The following SV2C variants were observed in gnomAD, a reference collection of about 807,000 sequenced individuals.
SV2C encodes solute carrier family 22 member B3.
A neutral mutation model predicts 79.7 loss-of-function variants in SV2C; 49 were observed. That is an observed-to-expected ratio of 0.61 (90% CI 0.49 to 0.78). The LOEUF (loss-of-function observed/expected upper bound fraction) is 0.78. Ranked by LOEUF, SV2C falls within the 30% of genes least tolerant of loss-of-function variation. The probability of loss-of-function intolerance (pLI) is 0.00; values close to 1 mark genes in which losing one functional copy is unlikely to be tolerated. For missense variants in SV2C, 833 were observed against 912.9 expected, an observed-to-expected ratio of 0.91 and a Z score of 1.13; for synonymous variants, 334 against 333.2, an observed-to-expected ratio of 1.00 and a Z score of -0.03.
chr5:75,926,858 C>G, the SV2C span, among the ~76,000 whole-genome samples: 1 of 152,160 alleles, frequency 6.6e-6, no homozygotes, highest in African/African-American at 2.4e-5. Context: ...CTCTTGTATA[C>G]TCTCACCATT....
intron 2 of SV2C, chr5:76,174,113 A>T: frequency 1.3e-6 from 2 of 1,599,770 alleles, no homozygotes; most frequent in Non-Finnish European, 1.7e-6. Context: ...AATTCCTTGA[A>T]CAAATTGTAC....
At chr5:76,048,311 G>C in the SV2C span, among the ~76,000 whole-genome samples, 3 of 152,196 alleles carry the variant, frequency 2.0e-5, no homozygotes, top group Non-Finnish European at 4.4e-5. Flanking sequence ...CCGAGGGCAA[G>C]AGAAGATGGA....
the SV2C span, among the ~76,000 whole-genome samples, chr5:75,897,009 T>G: frequency 8.9e-5 from 13 of 145,442 alleles, no homozygotes; most frequent in East Asian, 5.8e-4. Context: ...TTTCTCCCAT[T>G]TTGTAGGTTG....
chr5:76,344,092 C>G (rs538785878), intron 12 of SV2C, among the ~76,000 whole-genome samples: 1 of 152,180 alleles, frequency 6.6e-6, no homozygotes, highest in African/African-American at 2.4e-5. Flanking sequence ...CCAACCTCTG[C>G]CCCCTGCCCA....
the SV2C span, among the ~76,000 whole-genome samples, chr5:75,976,069 C>T: frequency 6.6e-6 from 1 of 152,042 alleles, no homozygotes; most frequent in East Asian, 1.9e-4. Context: ...CTTTGAATGG[C>T]CGGTATAGTT....
intron 4 of SV2C, among the ~76,000 whole-genome samples, chr5:76,248,622 G>C (rs2112434537): frequency 7.4e-6 from 1 of 135,438 alleles, no homozygotes; most frequent in Middle Eastern, 3.9e-3. Flanking sequence ...GGTGCTCAGT[G>C]ATTTTTTTTT....
intron 2 of SV2C, among the ~76,000 whole-genome samples, chr5:76,151,446 G>A (rs1749601952): frequency 6.6e-6 from 1 of 152,160 alleles, no homozygotes; most frequent in Non-Finnish European, 1.5e-5. Context: ...GGAGACTGCT[G>A]TGTGTGGAAT....
At chr5:75,884,707 C>G in the SV2C span, among the ~76,000 whole-genome samples, 4 of 151,962 alleles carry the variant, frequency 2.6e-5, no homozygotes, top group Non-Finnish European at 4.4e-5. Flanking sequence ...ATTATAATTA[C>G]CCTGATTTGA....
Position 76,229,385 on chromosome 5 carries a change from T to C in SV2C, c.913+19498T>C, listed in dbSNP as rs116569855. Among the ~76,000 whole-genome samples the C allele has an allele frequency of 3.6e-3, 551 of 152,254 alleles. 4 individuals carry two copies. Among genetic ancestry groups the C allele is most frequent in the African/African-American group, 0.012 (514 of 41,544 alleles). On this transcript the variant is annotated intron_variant, in intron 4 of 12. Coordinates refer to ENST00000502798, the MANE Select transcript of SV2C (RefSeq NM_014979.4). The stretch of plus-strand genomic sequence containing the variant: ...GGACAATTAGAAATGGGTAGGAGGG[T>C]AGTAAAATGGATGCGATGAACTATT...
the SV2C span, among the ~76,000 whole-genome samples, chr5:75,973,158 A>G: frequency 3.8e-4 from 57 of 151,214 alleles, no homozygotes; most frequent in Admixed American, 2.0e-3. Context: ...GGGGAACATC[A>G]CACACCGGGG....
the SV2C span, among the ~76,000 whole-genome samples, chr5:75,969,155 TA>T: frequency 6.6e-6 from 1 of 152,138 alleles, no homozygotes; most frequent in East Asian, 1.9e-4. Context: ...AGGCCTGCCC[TA>T]AAAAAGCTCC....
chr5:75,967,343 G>A, the SV2C span, among the ~76,000 whole-genome samples: 4 of 152,144 alleles, frequency 2.6e-5, no homozygotes, highest in South Asian at 2.1e-4. Context: ...TGAGTGCAGT[G>A]CACTGTGCAT....
At chr5:75,903,222 A>G in the SV2C span, among the ~76,000 whole-genome samples, 2 of 152,170 alleles carry the variant, frequency 1.3e-5, no homozygotes, top group Non-Finnish European at 2.9e-5. Flanking sequence ...TCAGGGCTCA[A>G]AGTATCCTTA....
the SV2C span, among the ~76,000 whole-genome samples, chr5:75,888,391 G>A: frequency 0.16 from 24,186 of 151,250 alleles, 2,960 homozygotes; most frequent in African/African-American, 0.35. Context: ...GGATTTCAAC[G>A]GACTGGCCCC....
chr5:76,099,142 G>A (rs1471680916), intron 1 of SV2C, among the ~76,000 whole-genome samples: 1 of 152,104 alleles, frequency 6.6e-6, no homozygotes, highest in Non-Finnish European at 1.5e-5. Flanking sequence ...TCCCAGATAT[G>A]ATGGAAAATA....
At chr5:75,914,696 A>T in the SV2C span, among the ~76,000 whole-genome samples, 3,420 of 152,334 alleles carry the variant, frequency 0.022, 88 homozygotes, top group African/African-American at 0.062. Context: ...TTTTGGGTAC[A>T]TATTATAATA....
Position 76,168,775 on chromosome 5 carries a change from G to A in SV2C, c.581-26144G>A, listed in dbSNP as rs184598347. Reference sequence around the variant, plus strand: ...TTGGGAGAATATGTAGACTGTGGGGGTTTCAGTAGTTCTGACATCATGTTC... The same window carrying A: ...TTGGGAGAATATGTAGACTGTGGGGATTTCAGTAGTTCTGACATCATGTTC... On this transcript the variant is annotated intron_variant, in intron 2 of 12. Transcript: ENST00000502798. Among the ~76,000 whole-genome samples the A allele has an allele frequency of 2.6e-3, 393 of 152,268 alleles. 1 individual carries two copies. Among genetic ancestry groups the A allele is most frequent in the Non-Finnish European group, 4.4e-3 (300 of 68,012 alleles).
chr5:76,080,201 CAG>C (rs1314255423), upstream of SV2C, among the ~76,000 whole-genome samples: 2 of 151,390 alleles, frequency 1.3e-5, no homozygotes, highest in Non-Finnish European at 2.9e-5. Flanking sequence ...GCTTATAAGA[CAG>C]AGTTTAAAAA....
At chr5:75,930,117 A>G in the SV2C span, among the ~76,000 whole-genome samples, 1 of 151,792 alleles carries the variant, frequency 6.6e-6, no homozygotes, top group African/African-American at 2.4e-5. Context: ...AGTCCCTACT[A>G]TTTTTCCCCT....
Sources: gnomAD v4.1 joint callset for allele counts (sites outside exome capture counted in the v4.1 genomes callset) on GRCh38, gnomAD v4.1.1 for gene constraint, MANE v1.5 for transcripts, NCBI Gene and HGNC (gene_info 2026-07-23, HGNC 2026-07-21) for gene names.